Variants in ACP6 observed in about 807,000 individuals in gnomAD.
The protein encoded by ACP6 is lysophosphatidic acid phosphatase type 6.
In ACP6, 48 loss-of-function variants were observed where a neutral mutation model predicts 48.1. The ratio of observed to expected loss-of-function variants is 1.00; its 90% CI spans 0.79 to 1.27. The LOEUF (loss-of-function observed/expected upper bound fraction) is 1.27, where lower values mean the gene tolerates loss of function less well. Ranked by LOEUF, ACP6 falls within the 50% of genes most tolerant of loss-of-function variation. The pLI, the probability that ACP6 is intolerant of heterozygous loss-of-function variation, is 0.00. For missense variants in ACP6, 485 were observed against 529.1 expected (o/e 0.92, Z 0.82); for synonymous variants, 172 against 204.2 (o/e 0.84, Z 1.34).
chr1:147,648,087 CT>C, intron 9 of ACP6, 158 bp downstream of exon 9: 1 of 785,582 alleles, frequency 1.3e-6, no homozygotes, highest in Non-Finnish European at 2.0e-6. Context: ...TGCCTGACCC[CT>C]GGGCCATAGC....
In ACP6 at chr1:147,647,048, G is replaced by GAGA. The variant is rs1399489856; in HGVS notation, c.*374_*375insTCT. On this transcript the variant is annotated 3_prime_UTR_variant, in exon 10 of 10. Coordinates refer to ENST00000583509, the MANE Select transcript of ACP6 (RefSeq NM_016361.5). ...ACTGGACTGCAACAACTTGAGGGCA[G>GAGA]AGTGTTTTCACCTTTATAATGATCA... is the stretch of plus-strand genomic sequence containing the variant. The GAGA allele has an allele frequency of 5.4e-6, 1 of 185,776 alleles. No homozygotes were observed. The highest frequency in any genetic ancestry group is 1.1e-5 in the Non-Finnish European group (1 of 88,212). The allele number at this position is 185,776 out of a possible 1,614,324, so 11.5% of individuals were successfully genotyped here. A position where few individuals can be genotyped will look rare whatever the true frequency, so the allele number is the denominator to read the frequency against.
intron 1 of ACP6, among the ~76,000 whole-genome samples, chr1:147,669,313 C>A (rs1350128434): frequency 6.6e-6 from 1 of 152,022 alleles, no homozygotes; most frequent in Non-Finnish European, 1.5e-5. Flanking sequence ...TCCAGCAAAC[C>A]CTGAGAAAAA....
chr1:147,655,781 T>G (rs1660224955), intron 4 of ACP6, among the ~76,000 whole-genome samples: 1 of 152,218 alleles, frequency 6.6e-6, no homozygotes, highest in African/African-American at 2.4e-5. Context: ...GATGAATTGC[T>G]GGTCTAACCA....
rs1553211414 is a variant in ACP6 at position 147,655,265 on chromosome 1, A to C, written c.560-17T>G. On this transcript the variant is annotated splice_polypyrimidine_tract_variant and intron_variant, in intron 4 of 9. Coordinates refer to ENST00000583509, the MANE Select transcript of ACP6 (RefSeq NM_016361.5). ...TGATGGGTCCTGGAAGAAAGGGAGG[A>C]AGCACAGGCAGGCAGAGGCTTCAGC... 3.2e-6 allele frequency: 5 copies of C among 1,576,704 alleles called. No homozygotes were observed. The highest frequency in any genetic ancestry group is 4.3e-6 in the Non-Finnish European group (5 of 1,154,764).
Position 147,659,758 on chromosome 1 carries a change from C to T in ACP6, c.237G>A (p.Gln79=). ...PLEEQVEWNP[Q]LLEVPPQTQF... Reference sequence around the variant, plus strand: ...GAGTTTGGGGTGGGACCTCTAATAGCTGGGGGTTCCACTCTACCTGTTAGT... The same window carrying T: ...GAGTTTGGGGTGGGACCTCTAATAGTTGGGGGTTCCACTCTACCTGTTAGT... The change falls in exon 2 of 10, where the codon CAG becomes CAA. Residue 79 remains glutamine (Q), a synonymous_variant. Transcript: ENST00000583509. The T allele has an allele frequency of 6.2e-7, 1 of 1,613,908 alleles. No individual in the cohort carries two copies. Among genetic ancestry groups the T allele is most frequent in the Non-Finnish European group, 8.5e-7 (1 of 1,179,984 alleles).
At chr1:147,655,993 T>C (rs1660239561) in intron 4 of ACP6, among the ~76,000 whole-genome samples, 1 of 152,142 alleles carries the variant, frequency 6.6e-6, no homozygotes, top group Non-Finnish European at 1.5e-5. Context: ...TCAAGCCTGA[T>C]GGCAAAAGAA....
At chr1:147,655,889 C>T (rs915521046) in intron 4 of ACP6, among the ~76,000 whole-genome samples, 1 of 152,242 alleles carries the variant, frequency 6.6e-6, no homozygotes, top group Middle Eastern at 3.4e-3. Context: ...CCCGTCAATG[C>T]CCAAAGAAAG....
In ACP6 at chr1:147,652,499, G is replaced by C; in HGVS notation, c.831C>G (p.Ile277Met). The C allele has an allele frequency of 6.2e-7, 1 of 1,614,066 alleles. No individual in the cohort carries two copies. Among genetic ancestry groups the C allele is most frequent in the East Asian group, 2.2e-5 (1 of 44,862 alleles). The change falls in exon 7 of 10, where the codon ATC (isoleucine) becomes ATG (methionine). Residue 277 changes from isoleucine (I) to methionine (M), a missense_variant. Coordinates refer to ENST00000583509, the MANE Select transcript of ACP6 (RefSeq NM_016361.5). ...AGGATGTGTCCACAGCTCTCTGTTC[G>C]ATCATCCTTGCAAATCTCTTCAGCA... Reference protein sequence around the residue: ...CPMLKRFARMIEQRAVDTSLY... With the variant: ...CPMLKRFARMMEQRAVDTSLY...
chr1:147,666,195 A>G (rs1367321756), intron 1 of ACP6, among the ~76,000 whole-genome samples: 1 of 152,148 alleles, frequency 6.6e-6, no homozygotes, highest in African/African-American at 2.4e-5. Context: ...TAGTTTAAAG[A>G]AAAAAGCAAG....
chr1:147,659,188 G>A (rs1257140440), intron 3 of ACP6, 149 bp from the exon 4 acceptor site: 1 of 1,057,564 alleles, frequency 9.5e-7, no homozygotes, highest in Non-Finnish European at 1.4e-6. Context: ...TCTGTGGGAT[G>A]TCAGCCCCTG....
At position 147,642,427 on chromosome 1, in the gene ACP6, T is replaced by C. The variant is rs1407124212; in HGVS notation, c.*4996A>G. The C allele has an allele frequency of 6.6e-6, 1 of 151,752 alleles. No homozygotes were observed. Among genetic ancestry groups the C allele is most frequent in the East Asian group, 1.9e-4 (1 of 5,136 alleles). 9.4% of individuals were successfully genotyped at this position (151,752 alleles called of 1,614,324 possible). Reference sequence around the variant, plus strand: ...AAGGGAGTGTGGGTCAGGGGTCAGGTGATGGAAAAATGTGTGCCAAGGTAA... The same window carrying C: ...AAGGGAGTGTGGGTCAGGGGTCAGGCGATGGAAAAATGTGTGCCAAGGTAA... On this transcript the variant is annotated 3_prime_UTR_variant, in exon 10 of 10. Transcript: ENST00000583509.
At chr1:147,649,462 T>TC (rs1376344004) in intron 8 of ACP6, among the ~76,000 whole-genome samples, 2 of 151,340 alleles carry the variant, frequency 1.3e-5, no homozygotes, top group Non-Finnish European at 2.9e-5. Flanking sequence ...TTTTTTTTTT[T>TC]TGAGACAGAG....
chr1:147,652,161 A>C (rs1659956068), intron 7 of ACP6: 1 of 355,188 alleles, frequency 2.8e-6, no homozygotes, highest in Admixed American at 4.3e-5. Flanking sequence ...AGCTCCCCCC[A>C]CCCAAATCCT....
intron 1 of ACP6, among the ~76,000 whole-genome samples, chr1:147,660,243 T>C (rs932694908): frequency 6.6e-6 from 1 of 152,240 alleles, no homozygotes; most frequent in Non-Finnish European, 1.5e-5. Flanking sequence ...CCTCCTTTCA[T>C]GCAATTCGTG....
intron 9 of ACP6, 126 bp from the exon 10 acceptor site, chr1:147,647,692 G>A: frequency 1.6e-6 from 2 of 1,275,534 alleles, no homozygotes; most frequent in Non-Finnish European, 2.1e-6. Context: ...TTACAGACAG[G>A]AAGGCCCCAC....
At chr1:147,632,222 C>CACACACACAG (rs1420823560) in intron 5 of ACP6, among the ~76,000 whole-genome samples, 2 of 151,224 alleles carry the variant, frequency 1.3e-5, no homozygotes, top group African/African-American at 4.8e-5. Flanking sequence ...CACACACACA[C>CACACACACAG]ACCATCATTT....
intron 5 of ACP6, among the ~76,000 whole-genome samples, chr1:147,654,786 G>A (rs587758594): frequency 2.7e-4 from 41 of 152,242 alleles, no homozygotes; most frequent in Non-Finnish European, 5.4e-4. Context: ...TGGATTTGCC[G>A]GTTAAAGACA....
chr1:147,654,091 C>T, intron 6 of ACP6, 103 bp downstream of exon 6: 2 of 1,529,464 alleles, frequency 1.3e-6, no homozygotes, highest in Non-Finnish European at 8.7e-7. Flanking sequence ...ATCACAGTTG[C>T]CTTCAAACCA....
intron 1 of ACP6, among the ~76,000 whole-genome samples, chr1:147,665,389 A>G (rs1238329467): frequency 6.6e-6 from 1 of 152,216 alleles, no homozygotes; most frequent in African/African-American, 2.4e-5. Context: ...TAAAAGCTTT[A>G]TGTGGGGACT....
Sources: gnomAD v4.1 joint callset for allele counts (sites outside exome capture counted in the v4.1 genomes callset) on GRCh38, gnomAD v4.1.1 for gene constraint, MANE v1.5 for transcripts, NCBI Gene and HGNC (gene_info 2026-07-23, HGNC 2026-07-21) for gene names.